RAPGEF5: variants seen among roughly 807,000 people sequenced by gnomAD.
RAPGEF5 encodes the protein Rap guanine nucleotide exchange factor 5, also known as M-Ras-regulated GEF.
In RAPGEF5, 65 loss-of-function variants were observed where a neutral mutation model predicts 125.2. The observed-to-expected ratio is 0.52, with a 90% CI of 0.43 to 0.64. The LOEUF is 0.64. Among genes scored for constraint, RAPGEF5 ranks in the 30% least tolerant of loss-of-function variants. The pLI is 0.00. For missense variants in RAPGEF5, 958 were observed against 1,048.1 expected, an observed-to-expected ratio of 0.91 and a Z score of 1.19; for synonymous variants, 391 against 385.9, an observed-to-expected ratio of 1.01 and a Z score of -0.16.
At chr7:22,139,781 G>C in intron 21 of RAPGEF5, 1 of 390,308 alleles carries the variant, frequency 2.6e-6, no homozygotes, top group East Asian at 4.5e-5. Flanking sequence ...AGCCTGGAAC[G>C]AGCACTGCAC....
chr7:22,136,345 G>A (rs1209802696), intron 22 of RAPGEF5, among the ~76,000 whole-genome samples: 1 of 152,042 alleles, frequency 6.6e-6, no homozygotes. Flanking sequence ...ACAATAAAGG[G>A]AAATGACCGC....
rs1378448419 is a variant in RAPGEF5, at chr7:22,122,230, C to A, written c.*176G>T. 1.6e-5 allele frequency: 9 copies of A among 568,036 alleles called. No homozygotes were observed. Among genetic ancestry groups the A allele is most frequent in the East Asian group, 8.7e-5 (3 of 34,568 alleles). 35.2% of individuals were successfully genotyped at this position (568,036 alleles called of 1,614,324 possible). Reference sequence around the variant, plus strand: ...GAGTAGCATGGAGAAACCTCTCCCCCTCTCTGGTGGCTGACATCACTTCCT... The same window carrying A: ...GAGTAGCATGGAGAAACCTCTCCCCATCTCTGGTGGCTGACATCACTTCCT... On this transcript the variant is annotated 3_prime_UTR_variant, in exon 26 of 26. Coordinates refer to ENST00000665637, the MANE Select transcript of RAPGEF5 (RefSeq NM_012294.5).
At chr7:22,142,882 T>C (rs771832544) in intron 20 of RAPGEF5, among the ~76,000 whole-genome samples, 1 of 152,274 alleles carries the variant, frequency 6.6e-6, no homozygotes, top group Admixed American at 6.5e-5. Flanking sequence ...CCCTTGGTTA[T>C]TCCTACTAGC....
chr7:22,285,204 T>C (rs895278810), intron 6 of RAPGEF5, among the ~76,000 whole-genome samples: 2 of 152,142 alleles, frequency 1.3e-5, no homozygotes, highest in African/African-American at 4.8e-5. Flanking sequence ...ATTGCTAGCC[T>C]AGGAAAAAAT....
At chr7:22,143,058 C>T (rs1783315265) in intron 20 of RAPGEF5, among the ~76,000 whole-genome samples, 1 of 152,118 alleles carries the variant, frequency 6.6e-6, no homozygotes, top group Admixed American at 6.6e-5. Flanking sequence ...GGGAACTGAG[C>T]TGGGTGGTAT....
At chr7:22,184,464 T>C (rs559002135) in intron 11 of RAPGEF5, among the ~76,000 whole-genome samples, 2 of 152,324 alleles carry the variant, frequency 1.3e-5, no homozygotes, top group Non-Finnish European at 2.9e-5. Context: ...ACAGCTCAAA[T>C]GTGGTACAAA....
At chr7:22,328,336 G>A (rs1168410616) in intron 1 of RAPGEF5, among the ~76,000 whole-genome samples, 2 of 152,212 alleles carry the variant, frequency 1.3e-5, no homozygotes, top group African/African-American at 4.8e-5. Context: ...TGAGGGTTAG[G>A]TCCCATTTCC....
chr7:22,348,004 A>G lies in RAPGEF5; in HGVS notation c.231+8826T>C, dbSNP rs188134360. ...TTTACTAGCAACTGAATGAGTACTT[A>G]TATCAAGTTTTTAGAGGAAAAGGAG... On this transcript the variant is annotated intron_variant, in intron 1 of 25. Coordinates refer to ENST00000665637, the MANE Select transcript of RAPGEF5 (RefSeq NM_012294.5). 2.0e-3 allele frequency among the ~76,000 whole-genome samples: 305 copies of G among 152,338 alleles called. 3 individuals carry two copies. The highest frequency in any genetic ancestry group is 6.9e-3 in the African/African-American group (286 of 41,566).
chr7:22,121,123 A>G lies in RAPGEF5; in HGVS notation c.*1283T>C, dbSNP rs963602165. ...GTTTTGTTCATGTGAAGGTTGAAAG[A>G]AATCCTCTAACCAGTCCTTGAAAAT... On this transcript the variant is annotated 3_prime_UTR_variant, in exon 26 of 26. Transcript: ENST00000665637. 1 of 151,950 alleles carries G rather than the reference A, an allele frequency of 6.6e-6. No homozygotes were observed. The highest frequency in any genetic ancestry group is 1.5e-5 in the Non-Finnish European group (1 of 67,976). 9.4% of individuals were successfully genotyped at this position (151,950 alleles called of 1,614,324 possible). A position where few individuals can be genotyped will look rare whatever the true frequency, so the allele number is the denominator to read the frequency against.
intron 17 of RAPGEF5, among the ~76,000 whole-genome samples, chr7:22,152,016 C>A (rs1034242041): frequency 1.3e-5 from 2 of 152,142 alleles, no homozygotes; most frequent in Non-Finnish European, 2.9e-5. Flanking sequence ...AGACTAAAGT[C>A]ATATTAAAGT....
At chr7:22,340,047 T>G (rs1302446074) in intron 1 of RAPGEF5, among the ~76,000 whole-genome samples, 1 of 152,166 alleles carries the variant, frequency 6.6e-6, no homozygotes, top group Non-Finnish European at 1.5e-5. Flanking sequence ...TGAGGGCTTC[T>G]CTGACAGTTT....
rs560457084 is a variant in RAPGEF5 at position 22,228,897 on chromosome 7, T to C, written c.870+1949A>G. 3.9e-5 allele frequency among the ~76,000 whole-genome samples: 6 copies of C among 152,288 alleles called. No homozygotes were observed. In the South Asian group the frequency reaches 1.2e-3, roughly 32 times the overall value. ...AGCGCCCCTAGTCTTTACATTATGCTGCCCAACATTTACTGAAACTCTCCT... is the reference window on the plus strand; with the variant it reads ...AGCGCCCCTAGTCTTTACATTATGCCGCCCAACATTTACTGAAACTCTCCT... On this transcript the variant is annotated intron_variant, in intron 8 of 25. Coordinates refer to ENST00000665637, the MANE Select transcript of RAPGEF5 (RefSeq NM_012294.5).
chr7:22,242,678 G>A (rs578189906), intron 7 of RAPGEF5, among the ~76,000 whole-genome samples: 38 of 152,232 alleles, frequency 2.5e-4, no homozygotes, highest in East Asian at 9.7e-4. Context: ...ATTGCTGGGC[G>A]CGGTGGCTCA....
In RAPGEF5 at chr7:22,148,821, C is replaced by T. The variant is rs536223711; in HGVS notation, c.1884+1586G>A. 6.6e-5 allele frequency among the ~76,000 whole-genome samples: 10 copies of T among 152,294 alleles called. 1 individual carries two copies. The East Asian group carries it at 1.5e-3, about 23-fold the overall frequency. ...TGGCAGAGGAGGCATAGAGGATATTCAGAGTGGGGGTTTCCTCTACCGCAA... is the reference window on the plus strand; with the variant it reads ...TGGCAGAGGAGGCATAGAGGATATTTAGAGTGGGGGTTTCCTCTACCGCAA... On this transcript the variant is annotated intron_variant, in intron 18 of 25. Transcript: ENST00000665637.
intron 11 of RAPGEF5, among the ~76,000 whole-genome samples, chr7:22,179,842 A>G (rs1175211935): frequency 6.6e-6 from 1 of 152,206 alleles, no homozygotes; most frequent in East Asian, 1.9e-4. Flanking sequence ...GTTACCACAT[A>G]TGTTCTAAAA....
chr7:22,202,794 A>T, intron 9 of RAPGEF5: 1 of 182,480 alleles, frequency 5.5e-6, no homozygotes, highest in South Asian at 8.8e-5. Context: ...CAAATCCTAG[A>T]GTTGCCACTT....
At chr7:22,178,938 C>T (rs1784591915) in intron 11 of RAPGEF5, among the ~76,000 whole-genome samples, 1 of 152,152 alleles carries the variant, frequency 6.6e-6, no homozygotes, top group Non-Finnish European at 1.5e-5. Flanking sequence ...AGCCACCAGT[C>T]ATCATATTAG....
intron 5 of RAPGEF5, among the ~76,000 whole-genome samples, chr7:22,297,148 T>C (rs1748174340): frequency 6.6e-6 from 1 of 151,992 alleles, no homozygotes; most frequent in African/African-American, 2.4e-5. Context: ...TAGGGAAATA[T>C]CAACACATGC....
intron 7 of RAPGEF5, among the ~76,000 whole-genome samples, chr7:22,234,494 C>T (rs779942883): frequency 6.6e-6 from 1 of 152,210 alleles, no homozygotes; most frequent in Non-Finnish European, 1.5e-5. Flanking sequence ...TATCTCTCAA[C>T]ACACAGAGTC....
Sources: allele counts gnomAD v4.1 joint callset (sites outside exome capture counted in the v4.1 genomes callset), GRCh38; gene constraint gnomAD v4.1.1; transcripts MANE v1.5; gene names NCBI Gene and HGNC (gene_info 2026-07-23, HGNC 2026-07-21).